Variants in PPFIBP2 observed in about 807,000 individuals in gnomAD.
PPFIBP2 encodes liprin-beta-2.
Under a neutral mutation model 118.3 loss-of-function variants are expected in PPFIBP2, and 118 were observed. That is an observed-to-expected ratio of 1.00 (90% CI 0.86 to 1.16). The LOEUF is 1.16. Ranked by LOEUF, PPFIBP2 falls within the 50% of genes most tolerant of loss-of-function variation. The pLI, the probability that PPFIBP2 is intolerant of heterozygous loss-of-function variation, is 0.00. For missense variants in PPFIBP2, 1,195 were observed against 1,073.1 expected (o/e 1.11, Z -1.59); for synonymous variants, 414 against 397.4 (o/e 1.04, Z -0.50).
chr11:7,516,985 G>C (rs560634992), intron 1 of PPFIBP2, among the ~76,000 whole-genome samples: 2 of 152,230 alleles, frequency 1.3e-5, no homozygotes, highest in South Asian at 4.2e-4. Flanking sequence ...CTTAGGGGTG[G>C]TGTGGGCTCC....
downstream of PPFIBP2, among the ~76,000 whole-genome samples, chr11:7,655,876 C>A (rs1854639820): frequency 6.6e-6 from 1 of 152,148 alleles, no homozygotes; most frequent in African/African-American, 2.4e-5. Flanking sequence ...GTGGACACTT[C>A]CACCCTCTGC....
intron 2 of PPFIBP2, among the ~76,000 whole-genome samples, chr11:7,553,049 A>G (rs1391136562): frequency 1.3e-5 from 2 of 151,790 alleles, no homozygotes; most frequent in African/African-American, 2.4e-5. Flanking sequence ...TAAGCATTTA[A>G]TACATGCTAG....
intron 5 of PPFIBP2, among the ~76,000 whole-genome samples, chr11:7,603,408 GCA>G (rs951584618): frequency 6.6e-6 from 1 of 152,194 alleles, no homozygotes; most frequent in Non-Finnish European, 1.5e-5. Flanking sequence ...CCTCTTCTCT[GCA>G]CAGTGTTACT....
chr11:7,538,834 A>T (rs1851482499), intron 1 of PPFIBP2, among the ~76,000 whole-genome samples: 1 of 152,120 alleles, frequency 6.6e-6, no homozygotes. Flanking sequence ...CTGTGTCTAG[A>T]TTCAGGGCCC....
chr11:7,617,982 C>T (rs986733471), intron 6 of PPFIBP2, among the ~76,000 whole-genome samples: 2 of 152,110 alleles, frequency 1.3e-5, no homozygotes, highest in Non-Finnish European at 2.9e-5. Context: ...CAGAGATAAC[C>T]CTATGCCTCG....
chr11:7,590,382 G>A (rs1411469733), intron 3 of PPFIBP2, among the ~76,000 whole-genome samples: 1 of 152,100 alleles, frequency 6.6e-6, no homozygotes, highest in Non-Finnish European at 1.5e-5. Context: ...GGAGAACGGT[G>A]ATTTTGAAGG....
chr11:7,521,037 G>T (rs1412283140), intron 1 of PPFIBP2, among the ~76,000 whole-genome samples: 2 of 152,186 alleles, frequency 1.3e-5, no homozygotes, highest in African/African-American at 4.8e-5. Flanking sequence ...GATCTCCTTA[G>T]TGCCTCAAGT....
chr11:7,662,781 C>A, the PPFIBP2 span, among the ~76,000 whole-genome samples: 6 of 151,940 alleles, frequency 3.9e-5, no homozygotes, highest in East Asian at 3.9e-4. Context: ...ACATTCAGGT[C>A]CACCAATCAG....
intron 1 of PPFIBP2, among the ~76,000 whole-genome samples, chr11:7,547,018 A>G (rs749875992): frequency 1.3e-5 from 2 of 152,240 alleles, no homozygotes; most frequent in Admixed American, 6.5e-5. Flanking sequence ...ATAAGTATCT[A>G]TCTGTTACAC....
Position 7,557,108 on chromosome 11 carries a change from A to G in PPFIBP2, c.64+7569A>G, listed in dbSNP as rs561386797. Among the ~76,000 whole-genome samples, 6 of 151,214 alleles carry G rather than the reference A, an allele frequency of 4.0e-5. No individual in the cohort carries two copies. The South Asian group carries it at 6.3e-4, about 16-fold the overall frequency. On this transcript the variant is annotated intron_variant, in intron 2 of 23. Coordinates refer to ENST00000299492, the MANE Select transcript of PPFIBP2 (RefSeq NM_003621.5). ...TCCTTTTTTAATTCCATGCTTCCTA[A>G]CTCCTCTTTTATATTTTTCACTTGT...
the PPFIBP2 span, chr11:7,665,538 A>C: frequency 6.2e-7 from 1 of 1,602,986 alleles, no homozygotes; most frequent in East Asian, 2.2e-5. Flanking sequence ...CCTGAGCTGT[A>C]CTTCCAGCCT....
At chr11:7,529,662 A>G (rs1850518224) in intron 1 of PPFIBP2, among the ~76,000 whole-genome samples, 1 of 152,164 alleles carries the variant, frequency 6.6e-6, no homozygotes, top group Non-Finnish European at 1.5e-5. Context: ...AGCCCAGTTC[A>G]GCTTTAGCCT....
intron 1 of PPFIBP2, among the ~76,000 whole-genome samples, chr11:7,533,395 G>A (rs1480825167): frequency 6.6e-6 from 1 of 152,202 alleles, no homozygotes; most frequent in Non-Finnish European, 1.5e-5. Context: ...AACATTTTGT[G>A]TCAACAAACA....
intron 1 of PPFIBP2, among the ~76,000 whole-genome samples, chr11:7,518,301 A>G (rs1192683687): frequency 6.6e-6 from 1 of 152,152 alleles, no homozygotes; most frequent in Non-Finnish European, 1.5e-5. Context: ...GGCTGGGTCT[A>G]GGTTGGTATA....
chr11:7,540,101 G>A (rs1224420170), intron 1 of PPFIBP2, among the ~76,000 whole-genome samples: 1 of 152,186 alleles, frequency 6.6e-6, no homozygotes, highest in Non-Finnish European at 1.5e-5. Context: ...ACTGCTCTGT[G>A]GGTCCTTAAC....
chr11:7,608,004 G>T (rs192527973), intron 5 of PPFIBP2, among the ~76,000 whole-genome samples: 25 of 152,244 alleles, frequency 1.6e-4, no homozygotes, highest in Admixed American at 1.6e-3. Flanking sequence ...GGGTAAGAGA[G>T]TAGGTGGTGT....
chr11:7,555,110 A>AT (rs1245371986), intron 2 of PPFIBP2, among the ~76,000 whole-genome samples: 6 of 152,066 alleles, frequency 3.9e-5, no homozygotes, highest in African/African-American at 1.4e-4. Flanking sequence ...ACAGACACTA[A>AT]TTTTGCATGG....
intron 8 of PPFIBP2, among the ~76,000 whole-genome samples, chr11:7,627,867 A>T (rs60477593): frequency 0.074 from 11,221 of 152,218 alleles, 446 homozygotes; most frequent in Middle Eastern, 0.1. Context: ...AGATTTTTTT[A>T]AATGTTAAAT....
At chr11:7,580,058 T>C (rs143662617) in intron 3 of PPFIBP2, among the ~76,000 whole-genome samples, 1 of 152,338 alleles carries the variant, frequency 6.6e-6, no homozygotes, top group East Asian at 1.9e-4. Flanking sequence ...TTCGGCTTGC[T>C]TGGCCTTTGA....
Sources: allele counts gnomAD v4.1 joint callset (sites outside exome capture counted in the v4.1 genomes callset), GRCh38; gene constraint gnomAD v4.1.1; transcripts MANE v1.5; gene names NCBI Gene and HGNC (gene_info 2026-07-23, HGNC 2026-07-21).